Variants in SF3A1 observed in about 807,000 individuals in gnomAD.
The protein encoded by SF3A1 is splicing factor 3a subunit 1.
A neutral mutation model predicts 89.9 loss-of-function variants in SF3A1; 13 were observed. The observed-to-expected ratio is 0.14, with a 90% confidence interval of 0.09 to 0.23. The LOEUF is 0.23. Ranked by LOEUF, SF3A1 falls within the 10% of genes least tolerant of loss-of-function variation. The pLI is 1.00. For missense variants in SF3A1, 604 were observed against 1,022.1 expected, an observed-to-expected ratio of 0.59 and a Z score of 5.58; for synonymous variants, 405 against 374.4, an observed-to-expected ratio of 1.08 and a Z score of -0.94.
chr22:30,342,652 T>C (rs1569172230), intron 5 of SF3A1, 153 bp downstream of exon 5: 3 of 646,530 alleles, frequency 4.6e-6, no homozygotes, highest in Non-Finnish European at 8.1e-6. Flanking sequence ...GCATCCGGAC[T>C]CCAGGTTTCT....
At position 30,334,541 on chromosome 22, in the gene SF3A1, G is replaced by T; in HGVS notation, c.*53C>A. On this transcript the variant is annotated 3_prime_UTR_variant, in exon 16 of 16. Transcript: ENST00000215793. ...GGGGCTCCTGGGTCTGGGGCAGGGG[G>T]TGGGAGACAGGAGAGGCAAAATGGC... 2 of 1,181,374 alleles carry T rather than the reference G, an allele frequency of 1.7e-6. No homozygotes were observed. The highest frequency in any genetic ancestry group is 2.4e-6 in the Non-Finnish European group (2 of 834,900). The allele number at this position is 1,181,374 out of a possible 1,614,324, so 73.2% of individuals were successfully genotyped here.
intron 11 of SF3A1, among the ~76,000 whole-genome samples, chr22:30,338,438 A>G (rs1931144994): frequency 6.7e-6 from 1 of 148,712 alleles, no homozygotes; most frequent in South Asian, 2.2e-4. Flanking sequence ...AGCCTGGGCG[A>G]CAAGAGCAAA....
intron 8 of SF3A1, 35 bp downstream of exon 8, chr22:30,340,660 G>C (rs371827912): frequency 7.4e-7 from 1 of 1,343,676 alleles, no homozygotes; most frequent in Non-Finnish European, 1.1e-6. Context: ...GGACTTCCTG[G>C]GCAGCCCGAG....
At chr22:30,356,698 C>T (rs774997181) in intron 1 of SF3A1, 32 bp downstream of exon 1, 3 of 1,447,720 alleles carry the variant, frequency 2.1e-6, no homozygotes, top group South Asian at 1.4e-5. Flanking sequence ...GCCAACCCTC[C>T]GGCTGCAGGC....
intron 13 of SF3A1, 64 bp from the exon 14 acceptor site, chr22:30,335,817 C>T: frequency 7.5e-7 from 1 of 1,334,426 alleles, no homozygotes. Context: ...CTATGCTCTG[C>T]TATCCCTAGG....
chr22:30,346,831 A>G (rs1931435751), intron 2 of SF3A1, among the ~76,000 whole-genome samples: 1 of 152,200 alleles, frequency 6.6e-6, no homozygotes, highest in Admixed American at 6.5e-5. Flanking sequence ...TTTAAAAAAA[A>G]TCTATTTAAG....
intron 2 of SF3A1, among the ~76,000 whole-genome samples, chr22:30,351,194 G>A (rs1931582788): frequency 6.6e-6 from 1 of 152,182 alleles, no homozygotes; most frequent in Non-Finnish European, 1.5e-5. Flanking sequence ...AGCTACTCGG[G>A]AGGCTGAGGC....
intron 2 of SF3A1, among the ~76,000 whole-genome samples, chr22:30,348,879 C>T (rs888412962): frequency 6.6e-6 from 1 of 152,238 alleles, no homozygotes; most frequent in South Asian, 2.1e-4. Context: ...CATAACTTTA[C>T]CCCATCTGGG....
intron 2 of SF3A1, 196 bp downstream of exon 2, chr22:30,352,755 T>G: frequency 2.0e-6 from 1 of 510,644 alleles, no homozygotes; most frequent in East Asian, 3.3e-5. Context: ...CTAAGTGTGA[T>G]TCTCACTTTG....
At chr22:30,345,252 AG>A in intron 3 of SF3A1, 62 bp from the exon 4 acceptor site, 1 of 1,246,662 alleles carries the variant, frequency 8.0e-7, no homozygotes, top group Non-Finnish European at 1.1e-6. Context: ...AGGGGAGGGG[AG>A]GGGAGGGGAC....
rs201572531 is a variant in SF3A1 at position 30,345,161 on chromosome 22, G to C, written c.423C>G (p.Ile141Met). 3.7e-5 allele frequency: 59 copies of C among 1,614,028 alleles called. No homozygotes were observed. The East Asian group carries it at 7.6e-4, about 21-fold the overall frequency. ...ACTCAGGAGGAGGCTCTTTGGGCAC[G>C]ATGGTCTCTTGGATTACTTGGGCTT... is the stretch of plus-strand genomic sequence containing the variant. ...KVQAQVIQET[I>M]VPKEPPPEFE... is the part of the protein sequence containing the mutation. The change falls in exon 4 of 16, where the codon ATC becomes ATG. Residue 141 changes from isoleucine to methionine, a missense_variant. Physicochemically the swap from Ile to Met is conservative, Grantham distance 10. Transcript: ENST00000215793.
At chr22:30,340,495 T>C (rs1398241228) in intron 8 of SF3A1, 114 bp from the exon 9 acceptor site, 4 of 1,106,770 alleles carry the variant, frequency 3.6e-6, no homozygotes, top group Non-Finnish European at 5.4e-6. Context: ...GCCACTCTTG[T>C]ACCTGGCACT....
At chr22:30,345,879 G>C (rs1014178966) in intron 3 of SF3A1, among the ~76,000 whole-genome samples, 1 of 152,146 alleles carries the variant, frequency 6.6e-6, no homozygotes, top group Non-Finnish European at 1.5e-5. Flanking sequence ...CCAGGATGGA[G>C]GGGTCCTGGG....
rs1041267454 is a variant in SF3A1, at chr22:30,342,610, G to A, written c.726+195C>T. On this transcript the variant is annotated intron_variant, in intron 5 of 15. Coordinates refer to ENST00000215793, the MANE Select transcript of SF3A1 (RefSeq NM_005877.6). ...AAAGAGGGAGATATATTGAGGCTGA[G>A]AGCAAAGCAGAAAGTTGTGGTATGT... The A allele has an allele frequency of 6.4e-6, 4 of 623,112 alleles. No homozygotes were observed. In the East Asian group the frequency reaches 8.2e-5, roughly 13 times the overall value. The allele number at this position is 623,112 out of a possible 1,614,324, so 38.6% of individuals were successfully genotyped here.
At chr22:30,351,055 C>A (rs561828222) in intron 2 of SF3A1, among the ~76,000 whole-genome samples, 1 of 152,352 alleles carries the variant, frequency 6.6e-6, no homozygotes, top group East Asian at 1.9e-4. Flanking sequence ...AATCCCAGCA[C>A]TTTGGGAGGC....
rs149487036 is a variant in SF3A1 at position 30,351,428 on chromosome 22, T to C, written c.185+1523A>G. Reference sequence around the variant, plus strand: ...ACACTGCCTCAGGGGGGTGACGTGGTCCCTGGAGAACACATGCTGATTGGG... The same window carrying C: ...ACACTGCCTCAGGGGGGTGACGTGGCCCCTGGAGAACACATGCTGATTGGG... On this transcript the variant is annotated intron_variant, in intron 2 of 15. Transcript: ENST00000215793. Among the ~76,000 whole-genome samples, 1,426 of 152,312 alleles carry C rather than the reference T, an allele frequency of 9.4e-3. 16 individuals are homozygous for C. Among genetic ancestry groups the C allele is most frequent in the African/African-American group, 0.031 (1,303 of 41,562 alleles).
At chr22:30,346,886 GC>G (rs1931437837) in intron 2 of SF3A1, among the ~76,000 whole-genome samples, 1 of 152,156 alleles carries the variant, frequency 6.6e-6, no homozygotes, top group Admixed American at 6.5e-5. Context: ...AAATCAGTAT[GC>G]CTTTACCAAC....
At chr22:30,347,865 A>G (rs550784126) in intron 2 of SF3A1, among the ~76,000 whole-genome samples, 2 of 152,202 alleles carry the variant, frequency 1.3e-5, no homozygotes, top group Non-Finnish European at 1.5e-5. Context: ...TTTTATAGAC[A>G]GGGTCTCACT....
Position 30,338,812 on chromosome 22 carries a change from T to G in SF3A1, c.1720A>C (p.Thr574Pro). The G allele has an allele frequency of 6.2e-7, 1 of 1,613,910 alleles. No homozygotes were observed. Among genetic ancestry groups the G allele is most frequent in the Non-Finnish European group, 8.5e-7 (1 of 1,179,930 alleles). The part of the protein sequence containing the change: ...TNIPSSAPPI[T>P]SVPRPPTMPP... ...ACTGTGGGTGGTCGGGGCACTGAAG[T>G]GATGGGTGGAGCCGAGCTGGGGATG... The change falls in exon 11 of 16, where the codon ACT becomes CCT. Residue 574 changes from threonine (T) to proline (P), a missense_variant. Around this residue, in one of 9 missense-constraint regions of SF3A1, gnomAD observed 85 missense variants for 137.3 expected, o/e 0.62. Transcript: ENST00000215793.
Sources: gnomAD v4.1 joint callset for allele counts (sites outside exome capture counted in the v4.1 genomes callset) on GRCh38, gnomAD v4.1.1 for gene constraint, gnomAD v4.1.1 regional missense constraint, MANE v1.5 for transcripts, NCBI Gene and HGNC (gene_info 2026-07-23, HGNC 2026-07-21) for gene names.